Variants in HTR4 observed in about 807,000 individuals in gnomAD.
HTR4 encodes 5-hydroxytryptamine receptor 4.
HTR4 carries 16 observed loss-of-function variants against 36.8 expected under a neutral mutation model. The observed-to-expected ratio is 0.43, with a 90% CI of 0.29 to 0.66. The LOEUF is 0.66. Among genes scored for constraint, HTR4 ranks in the 30% least tolerant of loss-of-function variants. The probability of loss-of-function intolerance (pLI) is 0.13; values close to 1 mark genes in which losing one functional copy is unlikely to be tolerated. For missense variants in HTR4, 438 were observed against 490.9 expected, an observed-to-expected ratio of 0.89 and a Z score of 1.02; for synonymous variants, 189 against 185.1, an observed-to-expected ratio of 1.02 and a Z score of -0.17.
intron 6 of HTR4, among the ~76,000 whole-genome samples, chr5:148,490,193 G>A (rs989202244): frequency 8.1e-5 from 12 of 147,262 alleles, no homozygotes; most frequent in African/African-American, 2.5e-4. Context: ...ATGTGTGTGT[G>A]TATATATATA....
chr5:148,613,291 G>T, intron 2 of HTR4, among the ~76,000 whole-genome samples: 1 of 121,998 alleles, frequency 8.2e-6, no homozygotes, highest in Non-Finnish European at 1.7e-5. Flanking sequence ...ATAAAATACT[G>T]GCAAACCAAA....
At chr5:148,652,496 C>G (rs1326418183) in intron 1 of HTR4, among the ~76,000 whole-genome samples, 2 of 152,116 alleles carry the variant, frequency 1.3e-5, no homozygotes, top group Admixed American at 1.3e-4. Flanking sequence ...CAGGGAGGTC[C>G]AGAAGAGCAG....
rs184169540 is a variant in HTR4, at chr5:148,481,771, T to C, written c.*1432A>G. The C allele has an allele frequency of 2.2e-3, 3,072 of 1,408,568 alleles. 11 individuals are homozygous for C. Among genetic ancestry groups the C allele is most frequent in the Non-Finnish European group, 2.7e-3 (2,971 of 1,089,750 alleles). 87.3% of individuals were successfully genotyped at this position (1,408,568 alleles called of 1,614,324 possible). ...TCTCACATGGCTCTGGGTTTGGCATTTACCTTCCCGGGACTTCTGCTATGG... is the reference window on the plus strand; with the variant it reads ...TCTCACATGGCTCTGGGTTTGGCATCTACCTTCCCGGGACTTCTGCTATGG... On this transcript the variant is annotated 3_prime_UTR_variant, in exon 7 of 7. Coordinates refer to ENST00000377888, the MANE Select transcript of HTR4 (RefSeq NM_000870.7).
intron 1 of HTR4, among the ~76,000 whole-genome samples, chr5:148,653,826 T>G (rs796340506): frequency 4.1e-4 from 63 of 152,114 alleles, no homozygotes; most frequent in African/African-American, 1.4e-3. Context: ...CATACACAAG[T>G]GGAAAGCACC....
At chr5:148,592,801 A>G (rs1427264611) in intron 2 of HTR4, among the ~76,000 whole-genome samples, 1 of 152,128 alleles carries the variant, frequency 6.6e-6, no homozygotes, top group Non-Finnish European at 1.5e-5. Flanking sequence ...GTCCTTTAAA[A>G]TTTCAGATAT....
Position 148,484,353 on chromosome 5 carries a change from A to G in HTR4, c.1077-1060T>C, listed in dbSNP as rs150451776. 86 of 1,612,916 alleles carry G rather than the reference A, an allele frequency of 5.3e-5. No homozygotes were observed. The African/African-American group carries it at 9.3e-4, about 17-fold the overall frequency. ...AGGCTTTGTCCAATACCTTGCTAAA[A>G]TGTCTCTGTCAAACAGAAAATCTGT... On this transcript the variant is annotated intron_variant, in intron 6 of 6. Coordinates refer to ENST00000377888, the MANE Select transcript of HTR4 (RefSeq NM_000870.7).
chr5:148,490,518 C>T lies in HTR4; in HGVS notation c.1077-7225G>A, dbSNP rs1293688393. ...GTTTGCTGTCCCCTACACTTAACTG[C>T]ACTGTGGGACGATGCTTATGATTTT... On this transcript the variant is annotated intron_variant, in intron 6 of 6. Transcript: ENST00000377888. The T allele has an allele frequency of 1.2e-5, 13 of 1,065,344 alleles. No individual in the cohort carries two copies. In the South Asian group the frequency reaches 2.7e-4, roughly 22 times the overall value. 66.0% of individuals were successfully genotyped at this position (1,065,344 alleles called of 1,614,324 possible). A position where few individuals can be genotyped will look rare whatever the true frequency, so the allele number is the denominator to read the frequency against.
At chr5:148,540,976 G>A (rs1412425461) in intron 4 of HTR4, among the ~76,000 whole-genome samples, 1 of 152,182 alleles carries the variant, frequency 6.6e-6, no homozygotes, top group African/African-American at 2.4e-5. Context: ...AATAGTCCTT[G>A]TGGCTAACAT....
chr5:148,653,594 GTC>G (rs984543721), intron 1 of HTR4, among the ~76,000 whole-genome samples: 1 of 138,010 alleles, frequency 7.2e-6, no homozygotes, highest in Non-Finnish European at 1.6e-5. Context: ...ACACTATCTT[GTC>G]TCTCTCTCTC....
chr5:148,542,529 C>T (rs1365794547), intron 4 of HTR4, among the ~76,000 whole-genome samples: 5 of 152,174 alleles, frequency 3.3e-5, no homozygotes. Context: ...CGATAAAACA[C>T]ATCAAATTTT....
chr5:148,578,869 C>T (rs1306295334), intron 2 of HTR4, among the ~76,000 whole-genome samples: 3 of 151,942 alleles, frequency 2.0e-5, no homozygotes, highest in Non-Finnish European at 4.4e-5. Flanking sequence ...TGGAAAGGGC[C>T]CTTACAATGG....
At chr5:148,604,606 G>C (rs1488004235) in intron 2 of HTR4, among the ~76,000 whole-genome samples, 2 of 152,088 alleles carry the variant, frequency 1.3e-5, no homozygotes, top group Non-Finnish European at 2.9e-5. Context: ...ACAATTCAAA[G>C]GTCCACTATT....
intron 5 of HTR4, among the ~76,000 whole-genome samples, chr5:148,510,494 A>G (rs138077969): frequency 0.016 from 2,398 of 152,340 alleles, 33 homozygotes; most frequent in Middle Eastern, 0.048. Flanking sequence ...TCTGCAGATC[A>G]GTAACATTAG....
intron 6 of HTR4, chr5:148,484,495 G>C: frequency 2.0e-6 from 2 of 976,152 alleles, no homozygotes; most frequent in Non-Finnish European, 3.0e-6. Context: ...GAAAAATTGG[G>C]GCAATATTTA....
intron 2 of HTR4, among the ~76,000 whole-genome samples, chr5:148,599,973 G>C (rs910280024): frequency 6.6e-6 from 1 of 151,140 alleles, no homozygotes; most frequent in African/African-American, 2.4e-5. Flanking sequence ...AATAATAAAA[G>C]ACAAATTGGA....
intron 2 of HTR4, among the ~76,000 whole-genome samples, chr5:148,582,535 A>C (rs552657389): frequency 3.3e-5 from 5 of 151,926 alleles, no homozygotes; most frequent in Non-Finnish European, 7.4e-5. Flanking sequence ...TTTAACTGCC[A>C]CTTAGATGTG....
At chr5:148,502,385 A>G (rs539538374) in intron 6 of HTR4, among the ~76,000 whole-genome samples, 1 of 152,348 alleles carries the variant, frequency 6.6e-6, no homozygotes, top group African/African-American at 2.4e-5. Context: ...CCAGGCTAAC[A>G]GGTTCTGGAG....
intron 2 of HTR4, among the ~76,000 whole-genome samples, chr5:148,567,463 A>G (rs7727933): frequency 0.17 from 25,888 of 152,120 alleles, 2,973 homozygotes; most frequent in African/African-American, 0.32. Context: ...TTTTCCACTC[A>G]AAATTATTCA....
At chr5:148,539,985 G>A (rs755180632) in intron 4 of HTR4, among the ~76,000 whole-genome samples, 2 of 151,970 alleles carry the variant, frequency 1.3e-5, no homozygotes, top group Non-Finnish European at 2.9e-5. Flanking sequence ...GCCCATGAAT[G>A]ACCGATTAGA....
Sources: gnomAD v4.1 joint callset for allele counts (sites outside exome capture counted in the v4.1 genomes callset) on GRCh38, gnomAD v4.1.1 for gene constraint, MANE v1.5 for transcripts, NCBI Gene and HGNC (gene_info 2026-07-23, HGNC 2026-07-21) for gene names.